ARNT2: variants seen among roughly 807,000 people sequenced by gnomAD.
ARNT2 encodes ARNT protein 2.
Under a neutral mutation model 91.7 loss-of-function variants are expected in ARNT2, and 36 were observed. The ratio of observed to expected loss-of-function variants is 0.39; its 90% CI spans 0.30 to 0.52. The LOEUF is 0.52. Among genes scored for constraint, ARNT2 ranks in the 20% least tolerant of loss-of-function variants. The pLI is 0.72. For synonymous variants in ARNT2, 365 were observed against 347.1 expected, an observed-to-expected ratio of 1.05 and a Z score of -0.57; for missense variants, 775 against 939.3, an observed-to-expected ratio of 0.83 and a Z score of 2.29.
At chr15:80,544,007 C>G (rs1046002970) in intron 8 of ARNT2, among the ~76,000 whole-genome samples, 21 of 152,140 alleles carry the variant, frequency 1.4e-4, no homozygotes, top group Admixed American at 3.3e-4. Flanking sequence ...TCCCAAAGTG[C>G]TGGGATTACA....
chr15:80,420,233 AT>A (rs1895843625), intron 1 of ARNT2, among the ~76,000 whole-genome samples: 1 of 10,272 alleles, frequency 9.7e-5, no homozygotes, highest in Admixed American at 4.8e-4. Flanking sequence ...TTCACTTAAG[AT>A]TTTTGACTTT....
intron 1 of ARNT2, among the ~76,000 whole-genome samples, chr15:80,439,636 A>G (rs1294823278): frequency 1.3e-5 from 2 of 152,118 alleles, no homozygotes; most frequent in South Asian, 4.1e-4. Context: ...TTTATGTCAG[A>G]CTTGTTAGTT....
At chr15:80,417,677 T>C (rs1432761784) in intron 1 of ARNT2, among the ~76,000 whole-genome samples, 1 of 149,222 alleles carries the variant, frequency 6.7e-6, no homozygotes, top group African/African-American at 2.5e-5. Context: ...ACCCCCTCCC[T>C]TTTTTTAAAG....
intron 6 of ARNT2, among the ~76,000 whole-genome samples, chr15:80,509,566 C>A (rs886582901): frequency 6.6e-6 from 1 of 152,048 alleles, no homozygotes; most frequent in Non-Finnish European, 1.5e-5. Flanking sequence ...ATATATGGAA[C>A]ATCAGATGGT....
intron 4 of ARNT2, among the ~76,000 whole-genome samples, chr15:80,472,455 A>G (rs1293464601): frequency 6.6e-6 from 1 of 152,226 alleles, no homozygotes; most frequent in African/African-American, 2.4e-5. Flanking sequence ...GACTCGATTT[A>G]TGTCATGGAA....
At chr15:80,519,787 G>A (rs1180804817) in intron 8 of ARNT2, among the ~76,000 whole-genome samples, 2 of 148,068 alleles carry the variant, frequency 1.4e-5, no homozygotes, top group South Asian at 2.2e-4. Context: ...CTGGGTTCAC[G>A]CCATTCTCCT....
At chr15:80,521,095 G>A (rs2141433654) in intron 8 of ARNT2, among the ~76,000 whole-genome samples, 1 of 152,206 alleles carries the variant, frequency 6.6e-6, no homozygotes, top group Non-Finnish European at 1.5e-5. Flanking sequence ...AACAGTTGTT[G>A]GCCAAAGATT....
chr15:80,451,141 A>G, intron 2 of ARNT2, 147 bp downstream of exon 2: 2 of 800,634 alleles, frequency 2.5e-6, no homozygotes, highest in Non-Finnish European at 3.9e-6. Flanking sequence ...ATTCCTAAAT[A>G]TGCACATGAT....
intron 6 of ARNT2, among the ~76,000 whole-genome samples, chr15:80,509,905 G>C (rs1897319176): frequency 6.6e-6 from 1 of 152,200 alleles, no homozygotes; most frequent in Non-Finnish European, 1.5e-5. Context: ...AGAGGTAGTG[G>C]ATGTTAGGTC....
intron 1 of ARNT2, among the ~76,000 whole-genome samples, chr15:80,431,556 C>T (rs554926338): frequency 6.6e-5 from 10 of 152,284 alleles, no homozygotes; most frequent in African/African-American, 1.4e-4. Context: ...CCGGATGGGC[C>T]GTAGTAGGGG....
chr15:80,584,385 T>C (rs1484553555), intron 17 of ARNT2, among the ~76,000 whole-genome samples: 1 of 152,028 alleles, frequency 6.6e-6, no homozygotes, highest in African/African-American at 2.4e-5. Flanking sequence ...GAGGGCAGGC[T>C]TTGGTTAAGG....
chr15:80,499,654 GGA>G (rs1458697145), intron 5 of ARNT2, among the ~76,000 whole-genome samples: 1 of 152,224 alleles, frequency 6.6e-6, no homozygotes, highest in East Asian at 1.9e-4. Context: ...TTTTGCCTAT[GGA>G]GGACTCTGAT....
chr15:80,545,303 A>T (rs1318638567), intron 8 of ARNT2, among the ~76,000 whole-genome samples: 1 of 152,210 alleles, frequency 6.6e-6, no homozygotes, highest in African/African-American at 2.4e-5. Context: ...CTCTTGAAAG[A>T]GGGCAGGGCT....
intron 1 of ARNT2, among the ~76,000 whole-genome samples, chr15:80,433,402 C>A (rs1331321716): frequency 6.6e-6 from 1 of 151,878 alleles, no homozygotes; most frequent in Admixed American, 6.6e-5. Flanking sequence ...TCTCCTGCCT[C>A]AGCCTCTCGA....
chr15:80,591,453 C>T lies in ARNT2; in HGVS notation c.1919-115C>T. The T allele has an allele frequency of 7.5e-7, 1 of 1,338,432 alleles. No individual in the cohort carries two copies. The highest frequency in any genetic ancestry group is 1.1e-6 in the Non-Finnish European group (1 of 950,052). The allele number at this position is 1,338,432 out of a possible 1,614,324, so 82.9% of individuals were successfully genotyped here. A position where few individuals can be genotyped will look rare whatever the true frequency, so the allele number is the denominator to read the frequency against. The stretch of plus-strand genomic sequence containing the variant: ...GGATAGCAAACACATTCCGCCAGCT[C>T]TGGATGGAACGTGCCTTTCAGAAGC... On this transcript the variant is annotated intron_variant, in intron 17 of 18. Coordinates refer to ENST00000303329, the MANE Select transcript of ARNT2 (RefSeq NM_014862.4). This position sits in a 1 kb window ranked among gnomAD's most constrained non-coding sequence, Gnocchi z 5.1.
chr15:80,436,611 TG>T (rs1336840599), intron 1 of ARNT2, among the ~76,000 whole-genome samples: 3 of 152,184 alleles, frequency 2.0e-5, no homozygotes, highest in African/African-American at 7.2e-5. Context: ...GGGCTGTGTT[TG>T]CTTCATGACT....
At chr15:80,430,740 A>G (rs1895995983) in intron 1 of ARNT2, among the ~76,000 whole-genome samples, 1 of 152,142 alleles carries the variant, frequency 6.6e-6, no homozygotes, top group Non-Finnish European at 1.5e-5. Flanking sequence ...AAGTAATCGG[A>G]ACTGGGAAAT....
At chr15:80,496,861 C>A (rs1897131709) in intron 5 of ARNT2, among the ~76,000 whole-genome samples, 1 of 152,130 alleles carries the variant, frequency 6.6e-6, no homozygotes, top group African/African-American at 2.4e-5. Context: ...CCATAGGAGC[C>A]TGTAAGGAGT....
At chr15:80,457,427 T>C (rs1778838282) in intron 2 of ARNT2, among the ~76,000 whole-genome samples, 1 of 152,238 alleles carries the variant, frequency 6.6e-6, no homozygotes, top group Admixed American at 6.5e-5. Context: ...ACCGGTAGTA[T>C]TTCTCTTTCC....
Sources: gnomAD v4.1 joint callset for allele counts (sites outside exome capture counted in the v4.1 genomes callset) on GRCh38, gnomAD v4.1.1 for gene constraint, Gnocchi (gnomAD v3.1) non-coding constraint, MANE v1.5 for transcripts, NCBI Gene and HGNC (gene_info 2026-07-23, HGNC 2026-07-21) for gene names.